The following AHCTF1 variants were observed in gnomAD, a reference collection of about 807,000 sequenced individuals.
The protein encoded by AHCTF1 is protein ELYS.
A neutral mutation model predicts 248.4 loss-of-function variants in AHCTF1; 24 were observed. That is an observed-to-expected ratio of 0.10 (90% CI 0.07 to 0.14). The LOEUF is 0.14. AHCTF1 is among the 10% of genes least tolerant of loss of function. The pLI is 1.00. For missense variants in AHCTF1, 2,206 were observed against 2,636.2 expected (o/e 0.84, Z 3.57); for synonymous variants, 786 against 929.8 (o/e 0.85, Z 2.81).
intron 14 of AHCTF1, among the ~76,000 whole-genome samples, chr1:246,893,140 T>C (rs576030140): frequency 6.6e-6 from 1 of 152,316 alleles, no homozygotes; most frequent in East Asian, 1.9e-4. Context: ...AGTTTAATTT[T>C]TTACAAAACA....
At chr1:246,864,379 G>C in intron 26 of AHCTF1, 1 of 326,018 alleles carries the variant, frequency 3.1e-6, no homozygotes, top group South Asian at 8.6e-5. Context: ...TATATTTACT[G>C]AGCTCTTACT....
intron 30 of AHCTF1, 45 bp from the exon 31 acceptor site, chr1:246,855,872 T>TCTGCTTTAAC (rs1185801645): frequency 6.6e-7 from 1 of 1,506,034 alleles, no homozygotes; most frequent in Non-Finnish European, 9.2e-7. Context: ...GAAGATCCCA[T>TCTGCTTTAAC]CTGCTTTAAC....
intron 33 of AHCTF1, among the ~76,000 whole-genome samples, chr1:246,845,055 G>GT (rs1340916862): frequency 5.3e-5 from 8 of 152,154 alleles, no homozygotes; most frequent in Non-Finnish European, 1.0e-4. Flanking sequence ...AGGGTAGGTG[G>GT]TAAGTGCTCT....
chr1:246,861,825 C>T lies in AHCTF1; in HGVS notation c.3735+134G>A, dbSNP rs1572379273. On this transcript the variant is annotated intron_variant, in intron 28 of 35. Coordinates refer to ENST00000648844, the MANE Select transcript of AHCTF1 (RefSeq NM_001323342.2). ...TTTCAGAACTAACCTTTTCTTATTT[C>T]ATTACTAGCTACAAGATTATATACA... The T allele has an allele frequency of 3.2e-5, 25 of 780,468 alleles. No individual in the cohort carries two copies. The East Asian group carries it at 6.4e-4, about 20-fold the overall frequency. The allele number at this position is 780,468 out of a possible 1,614,324, so 48.3% of individuals were successfully genotyped here.
In AHCTF1 at chr1:246,924,208, A is replaced by C. The variant is rs181213986; in HGVS notation, c.-7-5831T>G. Among the ~76,000 whole-genome samples the C allele has an allele frequency of 6.3e-3, 956 of 152,322 alleles. 10 individuals are homozygous for C. Among genetic ancestry groups the C allele is most frequent in the Middle Eastern group, 0.058 (17 of 294 alleles). On this transcript the variant is annotated intron_variant, in intron 1 of 35. Transcript: ENST00000648844. ...TCTAACAGATGTGTTTAACTTTAAAAAATTTATAAAGAAATATTTACATTA... is the reference window on the plus strand; with the variant it reads ...TCTAACAGATGTGTTTAACTTTAAACAATTTATAAAGAAATATTTACATTA...
chr1:246,879,581 T>C (rs1404482343), intron 21 of AHCTF1, among the ~76,000 whole-genome samples: 1 of 152,188 alleles, frequency 6.6e-6, no homozygotes, highest in African/African-American at 2.4e-5. Context: ...CCCAGCACTT[T>C]GGGAGACCGA....
chr1:246,919,898 T>C (rs1450298135), intron 1 of AHCTF1, among the ~76,000 whole-genome samples: 1 of 151,812 alleles, frequency 6.6e-6, no homozygotes, highest in Non-Finnish European at 1.5e-5. Flanking sequence ...AACACCACTT[T>C]GGGAGGCCAA....
rs181009716 is a variant in AHCTF1 at position 246,842,871 on chromosome 1, A to C, written c.6526-95T>G. The C allele has an allele frequency of 1.3e-3, 1,172 of 930,596 alleles. 3 individuals are homozygous for C. Among genetic ancestry groups the C allele is most frequent in the Non-Finnish European group, 1.5e-3 (942 of 632,268 alleles). The allele number at this position is 930,596 out of a possible 1,614,324, so 57.6% of individuals were successfully genotyped here. Reference sequence around the variant, plus strand: ...CAAGGAATACTAGAGCCAAACACTGATGAATTCAAACTCGCCAAATGCAAA... The same window carrying C: ...CAAGGAATACTAGAGCCAAACACTGCTGAATTCAAACTCGCCAAATGCAAA... On this transcript the variant is annotated intron_variant, in intron 34 of 35. Coordinates refer to ENST00000648844, the MANE Select transcript of AHCTF1 (RefSeq NM_001323342.2).
At chr1:246,875,887 G>T in intron 24 of AHCTF1, 150 bp downstream of exon 24, 2 of 703,422 alleles carry the variant, frequency 2.8e-6, no homozygotes, top group Non-Finnish European at 4.5e-6. Flanking sequence ...TCACTTCATT[G>T]CAGTGATCTG....
intron 1 of AHCTF1, among the ~76,000 whole-genome samples, chr1:246,930,619 C>T (rs1290375108): frequency 6.6e-6 from 1 of 151,166 alleles, no homozygotes; most frequent in Non-Finnish European, 1.5e-5. Context: ...CGCCATGTTG[C>T]TCAGGCTGGT....
rs1403380966 is a variant in AHCTF1, at chr1:246,900,146, G to A, written c.1351C>T (p.His451Tyr). The change falls in exon 10 of 36, where the codon CAT becomes TAT. Residue 451 changes from histidine to tyrosine, a missense_variant. By Grantham distance (83) the His-to-Tyr change is moderately conservative. This residue lies in a region of AHCTF1 where 650 missense variants were observed against 870.8 expected (regional missense o/e 0.75). Coordinates refer to ENST00000648844, the MANE Select transcript of AHCTF1 (RefSeq NM_001323342.2). ...ACTCCTCTATTTAAACTTCTCTCAT[G>A]TACTAATATATCCAAGATGCCATGT... Reference protein sequence around the residue: ...SPHGILDILVHERSLNRGVPP... With the variant: ...SPHGILDILVYERSLNRGVPP... 1 of 1,610,128 alleles carries A rather than the reference G, an allele frequency of 6.2e-7. No homozygotes were observed. Among genetic ancestry groups the A allele is most frequent in the East Asian group, 2.2e-5 (1 of 44,796 alleles).
At chr1:246,904,094 T>C in intron 6 of AHCTF1, 61 bp from the exon 7 acceptor site, 1 of 1,399,244 alleles carries the variant, frequency 7.1e-7, no homozygotes, top group Non-Finnish European at 1.0e-6. Flanking sequence ...TCTCTTACTG[T>C]CCAAGTAAGT....
intron 32 of AHCTF1, 89 bp downstream of exon 32, chr1:246,853,002 G>T: frequency 2.2e-6 from 2 of 902,348 alleles, no homozygotes; most frequent in South Asian, 1.9e-5. Context: ...TCAAATAAAT[G>T]AACGTGTTAG....
chr1:246,855,354 C>A (rs1661039661), intron 31 of AHCTF1, among the ~76,000 whole-genome samples: 1 of 152,156 alleles, frequency 6.6e-6, no homozygotes, highest in Admixed American at 6.5e-5. Context: ...TTGTTAATTT[C>A]CCTGGAGAAT....
At position 246,876,104 on chromosome 1, in the gene AHCTF1, G is replaced by T; in HGVS notation, c.3021C>A (p.Val1007=). Reference sequence around the variant, plus strand: ...CTCGTTCAATGGCTAATTTTCGATGGACTCTAGGAAGGATTTTTCCATACT... The same window carrying T: ...CTCGTTCAATGGCTAATTTTCGATGTACTCTAGGAAGGATTTTTCCATACT... The part of the protein sequence containing the change: ...LDQYGKILPR[V]HRKLAIERAK... The change falls in exon 24 of 36, where the codon GTC becomes GTA. Residue 1007 remains valine (V), a synonymous_variant. Coordinates refer to ENST00000648844, the MANE Select transcript of AHCTF1 (RefSeq NM_001323342.2). 1.2e-6 allele frequency: 2 copies of T among 1,609,262 alleles called. No homozygotes were observed. Among genetic ancestry groups the T allele is most frequent in the Non-Finnish European group, 1.7e-6 (2 of 1,178,198 alleles).
intron 15 of AHCTF1, 126 bp from the exon 16 acceptor site, chr1:246,891,186 T>C: frequency 3.6e-6 from 2 of 558,026 alleles, no homozygotes; most frequent in Non-Finnish European, 3.1e-6. Flanking sequence ...ACATATTTGT[T>C]CAAGATATAT....
chr1:246,890,858 G>A, intron 16 of AHCTF1, 98 bp downstream of exon 16: 1 of 703,166 alleles, frequency 1.4e-6, no homozygotes, highest in Non-Finnish European at 2.1e-6. Context: ...AATAAGTGAG[G>A]TGGAAGAAAA....
intron 1 of AHCTF1, among the ~76,000 whole-genome samples, chr1:246,923,759 G>A (rs938239346): frequency 3.3e-5 from 5 of 152,222 alleles, no homozygotes; most frequent in African/African-American, 9.6e-5. Context: ...GTGTGTGCGC[G>A]TAGCACACAG....
At chr1:246,923,108 C>CAAAAA (rs34474643) in intron 1 of AHCTF1, among the ~76,000 whole-genome samples, 1 of 111,892 alleles carries the variant, frequency 8.9e-6, no homozygotes, top group Admixed American at 9.0e-5. Context: ...CAAATAATAC[C>CAAAAA]AAAAAAAAAA....
Sources: gnomAD v4.1 joint callset for allele counts (sites outside exome capture counted in the v4.1 genomes callset) on GRCh38, gnomAD v4.1.1 for gene constraint, gnomAD v4.1.1 regional missense constraint, MANE v1.5 for transcripts, NCBI Gene and HGNC (gene_info 2026-07-23, HGNC 2026-07-21) for gene names.